P3H2: variants seen among roughly 807,000 people sequenced by gnomAD.
P3H2 encodes prolyl 3-hydroxylase 2.
In P3H2, 80 loss-of-function variants were observed where a neutral mutation model predicts 87.0. The ratio of observed to expected loss-of-function variants is 0.92; its 90% confidence interval spans 0.77 to 1.11. The LOEUF (loss-of-function observed/expected upper bound fraction) is 1.11. Among genes scored for constraint, P3H2 ranks in the 50% least tolerant of loss-of-function variants. The pLI is 0.00. For synonymous variants in P3H2, 367 were observed against 359.3 expected (o/e 1.02, Z -0.24); for missense variants, 1,001 against 923.9 (o/e 1.08, Z -1.08).
At chr3:190,087,959 C>T (rs988088784) in intron 1 of P3H2, among the ~76,000 whole-genome samples, 8 of 152,290 alleles carry the variant, frequency 5.3e-5, no homozygotes, top group Admixed American at 4.6e-4. Context: ...CAACAAGTTC[C>T]TGAAAGTGAT....
Position 190,120,839 on chromosome 3 carries a change from C to T in P3H2, c.-108G>A. On this transcript the variant is annotated 5_prime_UTR_variant, in exon 1 of 15. Coordinates refer to ENST00000319332, the MANE Select transcript of P3H2 (RefSeq NM_018192.4). Reference sequence around the variant, plus strand: ...CCTCGGGGAAGCGCGCCGACTCCGCCGCGATCTGGCCGCTCCGCGAGCCCC... The same window carrying T: ...CCTCGGGGAAGCGCGCCGACTCCGCTGCGATCTGGCCGCTCCGCGAGCCCC... 2 of 1,437,970 alleles carry T rather than the reference C, an allele frequency of 1.4e-6. No homozygotes were observed. Among genetic ancestry groups the T allele is most frequent in the Non-Finnish European group, 9.1e-7 (1 of 1,095,234 alleles). The allele number at this position is 1,437,970 out of a possible 1,614,324, so 89.1% of individuals were successfully genotyped here.
Position 189,971,952 on chromosome 3 carries a change from C to T in P3H2, c.1755G>A (p.Leu585=), listed in dbSNP as rs1485170596. The part of the protein sequence containing the change: ...LSHPIHADNC[L]LDPEANECWK... ...AGCATTCGTTGGCCTCTGGATCCAA[C>T]AAACAGTTGTCAGCATGGATGGGAT... The change falls in exon 12 of 15, where the codon TTG becomes TTA. Residue 585 remains leucine (L), a synonymous_variant. Transcript: ENST00000319332. The T allele has an allele frequency of 1.2e-6, 2 of 1,613,902 alleles. No individual in the cohort carries two copies. Among genetic ancestry groups the T allele is most frequent in the East Asian group, 4.5e-5 (2 of 44,880 alleles).
chr3:189,979,281 C>T (rs536281922), intron 8 of P3H2, among the ~76,000 whole-genome samples: 42 of 147,422 alleles, frequency 2.8e-4, no homozygotes, highest in African/African-American at 9.7e-4. Context: ...AAAAAAAATT[C>T]GCTGGGCATG....
At chr3:190,069,956 T>C (rs1726642403) in intron 1 of P3H2, among the ~76,000 whole-genome samples, 1 of 151,984 alleles carries the variant, frequency 6.6e-6, no homozygotes, top group African/African-American at 2.4e-5. Context: ...ACAAGTTTTT[T>C]TTTTTTTTCT....
intron 1 of P3H2, among the ~76,000 whole-genome samples, chr3:190,061,675 T>A (rs1455311765): frequency 6.6e-6 from 1 of 152,196 alleles, no homozygotes; most frequent in Non-Finnish European, 1.5e-5. Context: ...CTCATATCCC[T>A]TAGCCTTGCC....
At chr3:190,091,914 T>C (rs1334341233) in intron 1 of P3H2, among the ~76,000 whole-genome samples, 1 of 152,210 alleles carries the variant, frequency 6.6e-6, no homozygotes, top group Non-Finnish European at 1.5e-5. Context: ...GTGCATTAAA[T>C]AAGTGGGGCC....
chr3:190,106,264 T>C (rs1479896087), intron 1 of P3H2, among the ~76,000 whole-genome samples: 1 of 152,138 alleles, frequency 6.6e-6, no homozygotes, highest in African/African-American at 2.4e-5. Flanking sequence ...ACATAGCAAA[T>C]GAACAGCCTC....
intron 1 of P3H2, among the ~76,000 whole-genome samples, chr3:190,038,644 C>T (rs1666393): frequency 0.81 from 122,440 of 152,070 alleles, 49,337 homozygotes; most frequent in East Asian, 0.86. Context: ...AAGTTGGTCC[C>T]CTAGGATGCA....
chr3:189,964,150 C>T, intron 13 of P3H2, 52 bp from the exon 14 acceptor site: 1 of 1,516,140 alleles, frequency 6.6e-7, no homozygotes, highest in Non-Finnish European at 9.2e-7. Context: ...ATAAACATTT[C>T]CACAACTCCT....
chr3:190,055,438 A>C (rs1024482526), intron 1 of P3H2, among the ~76,000 whole-genome samples: 2 of 152,188 alleles, frequency 1.3e-5, no homozygotes, highest in Admixed American at 1.3e-4. Flanking sequence ...CATAACAAAA[A>C]AGATTTAAAT....
chr3:189,983,839 G>C (rs1231523967), intron 7 of P3H2, among the ~76,000 whole-genome samples: 1 of 152,108 alleles, frequency 6.6e-6, no homozygotes, highest in African/African-American at 2.4e-5. Flanking sequence ...GCTGGACCAT[G>C]TGATCTCAAG....
intron 1 of P3H2, among the ~76,000 whole-genome samples, chr3:190,007,674 T>G (rs527436612): frequency 6.6e-6 from 1 of 152,112 alleles, no homozygotes; most frequent in South Asian, 2.1e-4. Context: ...TTTTGATGTT[T>G]GTCAGCCCTT....
At chr3:190,118,246 G>T (rs1402357813) in intron 1 of P3H2, among the ~76,000 whole-genome samples, 1 of 152,026 alleles carries the variant, frequency 6.6e-6, no homozygotes, top group Non-Finnish European at 1.5e-5. Flanking sequence ...GTTTTTATAG[G>T]ACTGACCTTG....
intron 1 of P3H2, among the ~76,000 whole-genome samples, chr3:190,008,713 T>G (rs1455742563): frequency 1.3e-5 from 2 of 152,172 alleles, no homozygotes; most frequent in South Asian, 2.1e-4. Context: ...ACTATGAGCT[T>G]TCTATTTCTA....
In P3H2 at chr3:189,989,005, T is replaced by C. The variant is rs1398384742; in HGVS notation, c.857A>G (p.Glu286Gly). The change falls in exon 4 of 15, where the codon GAA becomes GGA. Residue 286 changes from glutamate to glycine, a missense_variant. Glu to Gly is a moderately conservative substitution (Grantham distance 98, BLOSUM62 -2). Transcript: ENST00000319332. ...GCGGGTGGCAAGTTCCCTCACACAT[T>C]CATGCTGACAAACAAGCACCTGCAT... ...HYMQVLVCQHECVRELATRPG... is the reference protein window; with the variant it reads ...HYMQVLVCQHGCVRELATRPG... 2.5e-6 allele frequency: 4 copies of C among 1,613,876 alleles called. No homozygotes were observed. The African/African-American group carries it at 5.3e-5, about 22-fold the overall frequency.
intron 1 of P3H2, among the ~76,000 whole-genome samples, chr3:190,020,862 C>T (rs1724910817): frequency 7.4e-6 from 1 of 134,306 alleles, no homozygotes; most frequent in Non-Finnish European, 1.7e-5. Context: ...CAAAAGAAAG[C>T]AATGTCTACA....
At chr3:189,962,161 CTTTTTTTTTTTTTT>C (rs770628547) in intron 14 of P3H2, among the ~76,000 whole-genome samples, 2 of 87,648 alleles carry the variant, frequency 2.3e-5, no homozygotes, top group East Asian at 3.8e-4. Context: ...TCTTCTTCTT[CTTTTTTTTTTTTTT>C]TTTTTTTTTT....
intron 9 of P3H2, 91 bp downstream of exon 9, chr3:189,974,467 T>A (rs964395560): frequency 1.3e-6 from 2 of 1,537,110 alleles, no homozygotes; most frequent in Admixed American, 1.7e-5. Flanking sequence ...TCAGGGCTTG[T>A]TGTCTGGCTC....
intron 1 of P3H2, among the ~76,000 whole-genome samples, chr3:190,071,729 A>C (rs745351038): frequency 6.6e-6 from 1 of 151,970 alleles, no homozygotes; most frequent in African/African-American, 2.4e-5. Context: ...ATTTCTTTTT[A>C]GTATCTAGGA....
Sources: allele counts gnomAD v4.1 joint callset (sites outside exome capture counted in the v4.1 genomes callset), GRCh38; gene constraint gnomAD v4.1.1; transcripts MANE v1.5; gene names NCBI Gene and HGNC (gene_info 2026-07-23, HGNC 2026-07-21).